FAM227B: variants seen among roughly 807,000 people sequenced by gnomAD.
FAM227B encodes the protein family with sequence similarity 227 member B.
Under a neutral mutation model 73.8 loss-of-function variants are expected in FAM227B, and 88 were observed. That is an observed-to-expected ratio of 1.19 (90% CI 1.00 to 1.42). FAM227B has a LOEUF of 1.42. Among genes scored for constraint, FAM227B ranks in the 40% most tolerant of loss-of-function variants. FAM227B has a pLI of 0.00. For missense variants in FAM227B, 632 were observed against 590.9 expected, an observed-to-expected ratio of 1.07 and a Z score of -0.72; for synonymous variants, 210 against 190.5, an observed-to-expected ratio of 1.10 and a Z score of -0.84.
At chr15:49,351,578 C>T in intron 13 of FAM227B, among the ~76,000 whole-genome samples, 1 of 152,216 alleles carries the variant, frequency 6.6e-6, no homozygotes, top group East Asian at 1.9e-4. Context: ...GAAACTAACA[C>T]ATACACCGTC....
At chr15:49,391,453 T>A (rs1025636251) in intron 11 of FAM227B, among the ~76,000 whole-genome samples, 23 of 152,228 alleles carry the variant, frequency 1.5e-4, no homozygotes, top group African/African-American at 5.5e-4. Context: ...AGATGACACA[T>A]GTCCCTGAGT....
intron 11 of FAM227B, chr15:49,485,473 TA>T (rs79465035): frequency 0.2 from 29,802 of 149,612 alleles, 3,555 homozygotes; most frequent in East Asian, 0.33. Flanking sequence ...ATGTTATTTA[TA>T]AAAAAAAAAC....
At chr15:49,565,997 A>ATTT (rs1417577443) in intron 9 of FAM227B, among the ~76,000 whole-genome samples, 5 of 152,184 alleles carry the variant, frequency 3.3e-5, no homozygotes, top group Admixed American at 6.5e-5. Context: ...GGTCCTGCTG[A>ATTT]CACCTTGATT....
intron 11 of FAM227B, among the ~76,000 whole-genome samples, chr15:49,432,167 T>C (rs1282987445): frequency 6.6e-6 from 1 of 151,770 alleles, no homozygotes; most frequent in Non-Finnish European, 1.5e-5. Flanking sequence ...CCATTTTATC[T>C]GGCTACTTGA....
intron 11 of FAM227B, among the ~76,000 whole-genome samples, chr15:49,377,473 A>G (rs1379007692): frequency 2.0e-5 from 3 of 152,082 alleles, no homozygotes; most frequent in Non-Finnish European, 4.4e-5. Flanking sequence ...ACTAATTTAC[A>G]TTTCCACAAA....
intron 11 of FAM227B, among the ~76,000 whole-genome samples, chr15:49,463,740 T>C (rs1343234901): frequency 6.6e-6 from 1 of 152,176 alleles, no homozygotes; most frequent in East Asian, 1.9e-4. Context: ...CTGTCTGATT[T>C]TCTGTTTCAC....
chr15:49,358,273 A>G (rs1031546961), intron 13 of FAM227B, among the ~76,000 whole-genome samples: 5 of 143,284 alleles, frequency 3.5e-5, no homozygotes, highest in Non-Finnish European at 7.7e-5. Flanking sequence ...AGGGTATTCA[A>G]TTAGGAAAAG....
intron 10 of FAM227B, among the ~76,000 whole-genome samples, chr15:49,524,369 A>G (rs995695111): frequency 6.6e-6 from 1 of 152,118 alleles, no homozygotes; most frequent in African/African-American, 2.4e-5. Context: ...GGCAGCCTCC[A>G]TGTGGTGTTG....
intron 11 of FAM227B, among the ~76,000 whole-genome samples, chr15:49,441,830 C>T (rs924856973): frequency 2.0e-5 from 3 of 151,336 alleles, no homozygotes; most frequent in Admixed American, 6.6e-5. Flanking sequence ...CTATCAGTCA[C>T]ATGACTAATT....
Position 49,615,261 on chromosome 15 carries a change from C to G in FAM227B, c.-72-18G>C. ...CGACCAAACTGGGGTATGAAAGACA[C>G]CCAAATGCAAAAATAAATGACTCAG... On this transcript the variant is annotated intron_variant, in intron 1 of 15. Transcript: ENST00000299338. 9.5e-7 allele frequency: 1 copy of G among 1,049,638 alleles called. No individual in the cohort carries two copies. The highest frequency in any genetic ancestry group is 1.5e-6 in the Non-Finnish European group (1 of 668,708). 65.0% of individuals were successfully genotyped at this position (1,049,638 alleles called of 1,614,324 possible). A position where few individuals can be genotyped will look rare whatever the true frequency, so the allele number is the denominator to read the frequency against.
chr15:49,469,362 A>G (rs1241598707), intron 11 of FAM227B, among the ~76,000 whole-genome samples: 1 of 152,146 alleles, frequency 6.6e-6, no homozygotes, highest in Non-Finnish European at 1.5e-5. Flanking sequence ...ATTTAATTCT[A>G]TTTCTACTTG....
chr15:49,588,030 T>C lies in FAM227B; in HGVS notation c.391A>G (p.Lys131Glu). 1 of 1,452,414 alleles carries C rather than the reference T, an allele frequency of 6.9e-7. No individual in the cohort carries two copies. The highest frequency in any genetic ancestry group is 9.2e-7 in the Non-Finnish European group (1 of 1,088,400). 90.0% of individuals were successfully genotyped at this position (1,452,414 alleles called of 1,614,324 possible). The stretch of plus-strand genomic sequence containing the variant: ...AGATACCATACCATTATCTTTTTTT[T>C]CTTATGGTACTTCTTTAGAAATTCC... Reference protein sequence around the residue: ...YGEFLKKYHKKKKIMLSDEME... With the variant: ...YGEFLKKYHKEKKIMLSDEME... Residue 131 changes from lysine (K) to glutamate (E), a missense_variant, in exon 5 of 16, where the codon AAA becomes GAA. Lys to Glu is a moderately conservative substitution (Grantham distance 56, BLOSUM62 1). Transcript: ENST00000299338.
intron 11 of FAM227B, among the ~76,000 whole-genome samples, chr15:49,466,696 G>A (rs1383689289): frequency 1.3e-5 from 2 of 152,126 alleles, no homozygotes; most frequent in African/African-American, 4.8e-5. Flanking sequence ...CTAATGTGAT[G>A]GCAATGGAAA....
At chr15:49,545,604 T>TG (rs1308869038) in intron 9 of FAM227B, among the ~76,000 whole-genome samples, 1 of 152,166 alleles carries the variant, frequency 6.6e-6, no homozygotes, top group East Asian at 1.9e-4. Context: ...TGTGCTTTTT[T>TG]AGGCTTTTTG....
chr15:49,444,537 T>G (rs1380416027), intron 11 of FAM227B, among the ~76,000 whole-genome samples: 1 of 151,706 alleles, frequency 6.6e-6, no homozygotes, highest in African/African-American at 2.4e-5. Flanking sequence ...TGGGTCTAAT[T>G]ACATTCAGTT....
At chr15:49,545,936 G>C (rs2071777769) in intron 9 of FAM227B, among the ~76,000 whole-genome samples, 1 of 102,348 alleles carries the variant, frequency 9.8e-6, no homozygotes, top group Admixed American at 1.4e-4. Context: ...AAGGGAGCAG[G>C]AGTAGCTATT....
At chr15:49,447,224 A>G (rs1472559838) in intron 11 of FAM227B, among the ~76,000 whole-genome samples, 1 of 151,674 alleles carries the variant, frequency 6.6e-6, no homozygotes, top group Non-Finnish European at 1.5e-5. Context: ...ATAATCTTGC[A>G]CTATATTGTT....
chr15:49,503,059 C>A (rs143496480), intron 11 of FAM227B, among the ~76,000 whole-genome samples: 8,313 of 151,726 alleles, frequency 0.055, 328 homozygotes, highest in East Asian at 0.13. Context: ...ACAGCATGGT[C>A]CTGGTACCAA....
At chr15:49,379,198 T>C (rs1054484291) in intron 11 of FAM227B, among the ~76,000 whole-genome samples, 3 of 152,166 alleles carry the variant, frequency 2.0e-5, no homozygotes, top group Non-Finnish European at 4.4e-5. Flanking sequence ...TTCTAATGTA[T>C]TGTTTGCTAG....
Sources: allele counts gnomAD v4.1 joint callset (sites outside exome capture counted in the v4.1 genomes callset), GRCh38; gene constraint gnomAD v4.1.1; transcripts MANE v1.5; gene names NCBI Gene and HGNC (gene_info 2026-07-23, HGNC 2026-07-21).